DTD1: variants seen among roughly 807,000 people sequenced by gnomAD.
The protein encoded by DTD1 is D-tyrosyl-tRNA deacylase 1 homolog.
In DTD1, 13 loss-of-function variants were observed where a neutral mutation model predicts 25.6. That is an observed-to-expected ratio of 0.51 (90% confidence interval 0.33 to 0.81). DTD1 has a LOEUF of 0.81. Among genes scored for constraint, DTD1 ranks in the 30% least tolerant of loss-of-function variants. The pLI, the probability that DTD1 is intolerant of heterozygous loss-of-function variation, is 0.02. For missense variants in DTD1, 193 were observed against 266.4 expected, an observed-to-expected ratio of 0.72 and a Z score of 1.92; for synonymous variants, 110 against 103.6, an observed-to-expected ratio of 1.06 and a Z score of -0.37.
intron 4 of DTD1, among the ~76,000 whole-genome samples, chr20:18,741,958 C>CA (rs2061280146): frequency 6.9e-6 from 1 of 145,694 alleles, no homozygotes; most frequent in Non-Finnish European, 1.5e-5. Flanking sequence ...AGGCTGGTCT[C>CA]AAACTCCTGA....
At chr20:18,650,923 G>T (rs2060871590) in intron 4 of DTD1, among the ~76,000 whole-genome samples, 1 of 152,296 alleles carries the variant, frequency 6.6e-6, no homozygotes, top group East Asian at 1.9e-4. Flanking sequence ...CTCACAGAGG[G>T]TACTGGCCTT....
chr20:18,689,030 T>C lies in DTD1; in HGVS notation c.478-55070T>C, dbSNP rs547918262. The stretch of plus-strand genomic sequence containing the variant: ...AAATTAGAAACATTGTGTGCATTTC[T>C]AATACTCGTGCTAGGAAAAAGACTA... On this transcript the variant is annotated intron_variant, in intron 4 of 5. Transcript: ENST00000377452. 3.3e-5 allele frequency among the ~76,000 whole-genome samples: 5 copies of C among 152,348 alleles called. No homozygotes were observed. In the East Asian group the frequency reaches 9.6e-4, roughly 29 times the overall value.
chr20:18,600,827 A>G (rs745470859), intron 3 of DTD1, among the ~76,000 whole-genome samples: 7 of 152,134 alleles, frequency 4.6e-5, no homozygotes, highest in South Asian at 2.1e-4. Context: ...TTTAAGATTT[A>G]TACCTAAGTG....
intron 4 of DTD1, among the ~76,000 whole-genome samples, chr20:18,709,663 G>T (rs2061150691): frequency 6.6e-6 from 1 of 152,162 alleles, no homozygotes; most frequent in Non-Finnish European, 1.5e-5. Context: ...TTTTATCAGA[G>T]TGCCAGGTAG....
At chr20:18,708,282 ATAT>A (rs2061140881) in intron 4 of DTD1, among the ~76,000 whole-genome samples, 1 of 39,206 alleles carries the variant, frequency 2.6e-5, no homozygotes, top group South Asian at 8.9e-4. Context: ...TATATAATAT[ATAT>A]TATATATATA....
intron 4 of DTD1, among the ~76,000 whole-genome samples, chr20:18,661,089 T>C (rs2060907937): frequency 6.6e-6 from 1 of 152,238 alleles, no homozygotes; most frequent in South Asian, 2.1e-4. Flanking sequence ...GGCTCTGTTT[T>C]GTTCATTCAT....
At chr20:18,760,088 G>A (rs6136504) in intron 5 of DTD1, among the ~76,000 whole-genome samples, 1 of 152,078 alleles carries the variant, frequency 6.6e-6, no homozygotes, top group Non-Finnish European at 1.5e-5. Context: ...AGCTCCATCA[G>A]GTCCTTTAAG....
At chr20:18,689,959 G>A (rs374814072) in intron 4 of DTD1, among the ~76,000 whole-genome samples, 1 of 151,216 alleles carries the variant, frequency 6.6e-6, no homozygotes, top group Non-Finnish European at 1.5e-5. Flanking sequence ...GCAACTTAGC[G>A]AGACCTTGTC....
chr20:18,626,136 A>T (rs1320192732), intron 3 of DTD1, among the ~76,000 whole-genome samples: 1 of 152,202 alleles, frequency 6.6e-6, no homozygotes, highest in Non-Finnish European at 1.5e-5. Context: ...AATAATAGTG[A>T]CTATGATTTC....
intron 4 of DTD1, among the ~76,000 whole-genome samples, chr20:18,634,209 G>A (rs759216885): frequency 1.3e-5 from 2 of 152,172 alleles, no homozygotes; most frequent in Non-Finnish European, 2.9e-5. Context: ...TTCTGTGATA[G>A]AAGCTTATTC....
At chr20:18,695,587 C>T (rs2061072716) in intron 4 of DTD1, among the ~76,000 whole-genome samples, 1 of 26,696 alleles carries the variant, frequency 3.7e-5, no homozygotes, top group Non-Finnish European at 7.3e-5. Context: ...CTCCCCTCCC[C>T]TCCCCTCCCC....
chr20:18,760,617 C>G (rs6112093), intron 5 of DTD1, among the ~76,000 whole-genome samples: 1 of 152,110 alleles, frequency 6.6e-6, no homozygotes, highest in African/African-American at 2.4e-5. Context: ...GAGGAGTACC[C>G]GGCCGTGTGA....
intron 4 of DTD1, among the ~76,000 whole-genome samples, chr20:18,718,663 T>C (rs1600388890): frequency 6.6e-6 from 1 of 152,246 alleles, no homozygotes; most frequent in Admixed American, 6.5e-5. Context: ...ACTTCAGTTT[T>C]GTATGGTTCT....
intron 4 of DTD1, among the ~76,000 whole-genome samples, chr20:18,672,040 C>T (rs7262307): frequency 0.026 from 3,932 of 152,212 alleles, 181 homozygotes; most frequent in African/African-American, 0.09. Flanking sequence ...TCAAGACCAG[C>T]CTGGGCAACA....
chr20:18,606,834 G>T (rs1340225333), intron 3 of DTD1, among the ~76,000 whole-genome samples: 1 of 146,998 alleles, frequency 6.8e-6, no homozygotes, highest in Admixed American at 6.9e-5. Flanking sequence ...GCTAGATGAC[G>T]AGTTAGTGGG....
At chr20:18,670,196 C>T (rs889543256) in intron 4 of DTD1, among the ~76,000 whole-genome samples, 2 of 152,124 alleles carry the variant, frequency 1.3e-5, no homozygotes, top group East Asian at 1.9e-4. Context: ...GTGGCTCATG[C>T]GTATAATCCC....
intron 4 of DTD1, among the ~76,000 whole-genome samples, chr20:18,730,874 A>G (rs1312424525): frequency 2.6e-5 from 4 of 152,162 alleles, no homozygotes; most frequent in Non-Finnish European, 2.9e-5. Context: ...GACATAGAAT[A>G]TTTGGGTCAC....
At chr20:18,662,424 G>T (rs534791939) in intron 4 of DTD1, among the ~76,000 whole-genome samples, 23 of 152,072 alleles carry the variant, frequency 1.5e-4, no homozygotes, top group Non-Finnish European at 2.4e-4. Flanking sequence ...CCCAGCTGGG[G>T]GTGGGGGGGA....
At chr20:18,648,857 G>A (rs1023931435) in intron 4 of DTD1, among the ~76,000 whole-genome samples, 1 of 151,778 alleles carries the variant, frequency 6.6e-6, no homozygotes, top group Non-Finnish European at 1.5e-5. Flanking sequence ...TTAGCCGGGT[G>A]TGGTGGCAGG....
Sources: gnomAD v4.1 joint callset for allele counts (sites outside exome capture counted in the v4.1 genomes callset) on GRCh38, gnomAD v4.1.1 for gene constraint, MANE v1.5 for transcripts, NCBI Gene and HGNC (gene_info 2026-07-23, HGNC 2026-07-21) for gene names.